The following GTF3C3 variants were observed in gnomAD, a reference collection of about 807,000 sequenced individuals.
The protein encoded by GTF3C3 is general transcription factor 3C polypeptide 3.
Under a neutral mutation model 105.2 loss-of-function variants are expected in GTF3C3, and 75 were observed. That is an observed-to-expected ratio of 0.71 (90% CI 0.59 to 0.86). GTF3C3 has a LOEUF of 0.86. Among genes scored for constraint, GTF3C3 ranks in the 40% least tolerant of loss-of-function variants. The pLI is 0.00. For missense variants in GTF3C3, 856 were observed against 1,076.5 expected (o/e 0.80, Z 2.87); for synonymous variants, 335 against 370.4 (o/e 0.90, Z 1.10).
intron 17 of GTF3C3, among the ~76,000 whole-genome samples, 158 bp downstream of exon 17, chr2:196,766,407 G>A (rs1559296137): frequency 1.3e-5 from 2 of 152,316 alleles, no homozygotes; most frequent in Middle Eastern, 3.4e-3. Context: ...CTCAGATGTC[G>A]AAGTGGTACC....
At chr2:196,770,443 A>G (rs1699151942) in intron 15 of GTF3C3, among the ~76,000 whole-genome samples, 1 of 152,166 alleles carries the variant, frequency 6.6e-6, no homozygotes, top group South Asian at 2.1e-4. Flanking sequence ...TATAAATTCA[A>G]ATGTGGTGGA....
chr2:196,763,372 G>A lies in GTF3C3; in HGVS notation c.*1191C>T, dbSNP rs1037890586. The A allele has an allele frequency of 6.6e-5, 10 of 152,192 alleles. No individual in the cohort carries two copies. The South Asian group carries it at 2.1e-3, about 32-fold the overall frequency. 9.4% of individuals were successfully genotyped at this position (152,192 alleles called of 1,614,324 possible). A position where few individuals can be genotyped will look rare whatever the true frequency, so the allele number is the denominator to read the frequency against. On this transcript the variant is annotated 3_prime_UTR_variant, in exon 18 of 18. Coordinates refer to ENST00000263956, the MANE Select transcript of GTF3C3 (RefSeq NM_012086.5). ...AGTTCCACAGAATTCCAACACACAA[G>A]TCTAACTTATTACTGTATCTCAGTT... is the stretch of plus-strand genomic sequence containing the variant.
Position 196,789,241 on chromosome 2 carries a change from C to T in GTF3C3, c.856G>A (p.Gly286Ser). 6 of 1,612,424 alleles carry T rather than the reference C, an allele frequency of 3.7e-6. No homozygotes were observed. The highest frequency in any genetic ancestry group is 4.2e-6 in the Non-Finnish European group (5 of 1,179,404). Residue 286 changes from glycine to serine, a missense_variant, in exon 6 of 18, where the codon GGC (glycine) becomes AGC (serine). Transcript: ENST00000263956. ...RILNLLSPSD[G>S]ERFMQLARDM... Reference sequence around the variant, plus strand: ...CTAGCCAGCTGCATAAAACGTTCGCCATCAGATGGAGACAAAAGGTTTAAA... The same window carrying T: ...CTAGCCAGCTGCATAAAACGTTCGCTATCAGATGGAGACAAAAGGTTTAAA...
intron 8 of GTF3C3, among the ~76,000 whole-genome samples, chr2:196,782,051 C>G (rs1257893560): frequency 6.6e-6 from 1 of 152,214 alleles, no homozygotes; most frequent in Non-Finnish European, 1.5e-5. Flanking sequence ...ATGCTGTTTG[C>G]TAACAGTCTG....
At chr2:196,770,297 T>G (rs1193989907) in intron 15 of GTF3C3, among the ~76,000 whole-genome samples, 1 of 152,254 alleles carries the variant, frequency 6.6e-6, no homozygotes, top group African/African-American at 2.4e-5. Context: ...GACATTTCCA[T>G]GTAAAGTAAT....
At chr2:196,766,990 C>T (rs1019943123) in intron 16 of GTF3C3, 2 of 241,370 alleles carry the variant, frequency 8.3e-6, no homozygotes, top group African/African-American at 4.5e-5. Context: ...TCTACAAATA[C>T]ACAAAACTTT....
At chr2:196,775,716 A>G (rs898796325) in intron 12 of GTF3C3, among the ~76,000 whole-genome samples, 2 of 152,210 alleles carry the variant, frequency 1.3e-5, no homozygotes, top group African/African-American at 4.8e-5. Flanking sequence ...TCTGGAAAAT[A>G]CTTTTGCAAA....
At position 196,764,427 on chromosome 2, in the gene GTF3C3, A is replaced by G. The variant is rs1013584594; in HGVS notation, c.*136T>C. On this transcript the variant is annotated 3_prime_UTR_variant, in exon 18 of 18. Coordinates refer to ENST00000263956, the MANE Select transcript of GTF3C3 (RefSeq NM_012086.5). ...TACCACAAGATCATTATCACATATTAAAAATAAATACACTGTTTGTTAGGT... is the reference window on the plus strand; with the variant it reads ...TACCACAAGATCATTATCACATATTGAAAATAAATACACTGTTTGTTAGGT... The G allele has an allele frequency of 7.5e-6, 6 of 799,772 alleles. No homozygotes were observed. In the African/African-American group the frequency reaches 8.6e-5, roughly 11 times the overall value. 49.5% of individuals were successfully genotyped at this position (799,772 alleles called of 1,614,324 possible). A position where few individuals can be genotyped will look rare whatever the true frequency, so the allele number is the denominator to read the frequency against.
At chr2:196,764,928 A>G (rs1699034574) in intron 17 of GTF3C3, among the ~76,000 whole-genome samples, 1 of 152,248 alleles carries the variant, frequency 6.6e-6, no homozygotes, top group Admixed American at 6.5e-5. Flanking sequence ...AATAAACGCC[A>G]GATGAATTTT....
In GTF3C3 at chr2:196,771,886, G is replaced by C. The variant is rs758881739; in HGVS notation, c.2122C>G (p.Gln708Glu). 1 of 1,613,356 alleles carries C rather than the reference G, an allele frequency of 6.2e-7. No individual in the cohort carries two copies. Residue 708 changes from glutamine to glutamate, a missense_variant, in exon 15 of 18, where the codon CAA (glutamine) becomes GAA (glutamate). Around this residue, in one of 3 missense-constraint regions of GTF3C3, gnomAD observed 605 missense variants for 833.6 expected, o/e 0.73. Coordinates refer to ENST00000263956, the MANE Select transcript of GTF3C3 (RefSeq NM_012086.5). ...ACATCTTGGGAGTGCATGGTAACTT[G>C]ATTGAAAATGTTCCAGAGCTGGGGT... ...NKPQLWNIFN[Q>E]VTMHSQDVRH...
At chr2:196,774,625 A>T (rs1699230566) in intron 13 of GTF3C3, among the ~76,000 whole-genome samples, 1 of 152,218 alleles carries the variant, frequency 6.6e-6, no homozygotes, top group Non-Finnish European at 1.5e-5. Flanking sequence ...AAAATACAAC[A>T]TAAGGAAACA....
chr2:196,790,945 GAGATA>G (rs1428862528), intron 4 of GTF3C3, among the ~76,000 whole-genome samples: 1 of 151,834 alleles, frequency 6.6e-6, no homozygotes, highest in Non-Finnish European at 1.5e-5. Context: ...ATTTAACTGA[GAGATA>G]AGATGACAAG....
Position 196,776,306 on chromosome 2 carries a change from A to T in GTF3C3, c.1593+121T>A. The stretch of plus-strand genomic sequence containing the variant: ...AATCCAATACTTAAAATCATTTTTC[A>T]AAAACTTGAATACACTAAAATAAAA... On this transcript the variant is annotated intron_variant, in intron 11 of 17. Coordinates refer to ENST00000263956, the MANE Select transcript of GTF3C3 (RefSeq NM_012086.5). The surrounding 1 kb of genome is among the most constrained non-coding windows in gnomAD (Gnocchi z 4.5). The T allele has an allele frequency of 1.2e-6, 1 of 863,472 alleles. No homozygotes were observed. The highest frequency in any genetic ancestry group is 1.8e-6 in the Non-Finnish European group (1 of 556,634). The allele number at this position is 863,472 out of a possible 1,614,324, so 53.5% of individuals were successfully genotyped here.
At chr2:196,781,357 A>T (rs4850732) in intron 8 of GTF3C3, among the ~76,000 whole-genome samples, 7,016 of 18,734 alleles carry the variant, frequency 0.37, 1,375 homozygotes, top group African/African-American at 0.42. Context: ...AAAAAAAAAA[A>T]ATATATATAT....
chr2:196,791,518 T>C (rs201177919), intron 3 of GTF3C3, 58 bp from the exon 4 acceptor site: 483 of 1,437,484 alleles, frequency 3.4e-4, no homozygotes, highest in East Asian at 8.4e-4. Context: ...AGATTTCAAT[T>C]CCAGCCATAT....
chr2:196,786,827 C>T lies in GTF3C3; in HGVS notation c.894-1239G>A, dbSNP rs902575779. 6.6e-6 allele frequency among the ~76,000 whole-genome samples: 1 copy of T among 152,104 alleles called. No homozygotes were observed. The highest frequency in any genetic ancestry group is 1.5e-5 in the Non-Finnish European group (1 of 68,024). On this transcript the variant is annotated intron_variant, in intron 6 of 17. Coordinates refer to ENST00000263956, the MANE Select transcript of GTF3C3 (RefSeq NM_012086.5). The surrounding 1 kb of genome is among the most constrained non-coding windows in gnomAD (Gnocchi z 4.2). The stretch of plus-strand genomic sequence containing the variant: ...TAATCCAATCAACTTTTCCTCTCCC[C>T]ATTCTGCCAATATTTCCAATCTCCT...
At chr2:196,766,813 T>C (rs1699077342) in intron 16 of GTF3C3, 96 bp from the exon 17 acceptor site, 3 of 916,154 alleles carry the variant, frequency 3.3e-6, no homozygotes, top group Non-Finnish European at 4.9e-6. Context: ...CAAATATTTT[T>C]TAAAAACCTA....
intron 17 of GTF3C3, among the ~76,000 whole-genome samples, chr2:196,766,010 CAAAAAA>C (rs11424716): frequency 1.1e-4 from 10 of 87,132 alleles, no homozygotes; most frequent in African/African-American, 2.3e-4. Flanking sequence ...ACTCTGTCTC[CAAAAAA>C]AAAAAAAAAA....
chr2:196,772,920 T>C lies in GTF3C3; in HGVS notation c.2065A>G (p.Ile689Val). The C allele has an allele frequency of 2.1e-6, 3 of 1,410,002 alleles. No individual in the cohort carries two copies. The highest frequency in any genetic ancestry group is 2.9e-6 in the Non-Finnish European group (3 of 1,022,094). The allele number at this position is 1,410,002 out of a possible 1,614,324, so 87.3% of individuals were successfully genotyped here. ...AATAAATAACTGGGAAATCACCTGA[T>C]ATAGTTGTATGCCTTTCTGAAATTT... Reference protein sequence around the residue: ...DKNFRKAYNYIRIMVMENVNK... With the variant: ...DKNFRKAYNYVRIMVMENVNK... The change falls in exon 14 of 18, where the codon ATC becomes GTC. Residue 689 changes from isoleucine to valine, a missense_variant. Physicochemically the swap from Ile to Val is conservative, Grantham distance 29 (BLOSUM62 3). Coordinates refer to ENST00000263956, the MANE Select transcript of GTF3C3 (RefSeq NM_012086.5).
Sources: gnomAD v4.1 joint callset for allele counts (sites outside exome capture counted in the v4.1 genomes callset) on GRCh38, gnomAD v4.1.1 for gene constraint, gnomAD v4.1.1 regional missense constraint, Gnocchi (gnomAD v3.1) non-coding constraint, MANE v1.5 for transcripts, NCBI Gene and HGNC (gene_info 2026-07-23, HGNC 2026-07-21) for gene names.